Variants in TIMM23B observed in about 807,000 individuals in gnomAD.
TIMM23B encodes the protein mitochondrial import inner membrane translocase subunit Tim23B.
TIMM23B carries 27 observed loss-of-function variants against 27.3 expected under a neutral mutation model. That is an observed-to-expected ratio of 0.99 (90% CI 0.73 to 1.36). TIMM23B has a LOEUF of 1.36. Ranked by LOEUF, TIMM23B falls within the 40% of genes most tolerant of loss-of-function variation. TIMM23B has a pLI of 0.00. For synonymous variants in TIMM23B, 73 were observed against 92.4 expected (o/e 0.79, Z 1.21); for missense variants, 205 against 244.2 (o/e 0.84, Z 1.07).
In TIMM23B at chr10:49,973,059, T is replaced by C. The variant is rs782506317; in HGVS notation, c.562T>C (p.Ser188Pro). Reference sequence around the variant, plus strand: ...CCCGTTCTGTGTGCTGCTGTCTGGCTCCTGAACCCAGCTGTAGAGGTGTGT... The same window carrying C: ...CCCGTTCTGTGTGCTGCTGTCTGGCCCCTGAACCCAGCTGTAGAGGTGTGT... ...DSPFCVLLSG[S>P] The change falls in exon 7 of 7, where the codon TCC (serine) becomes CCC (proline). Residue 188 changes from serine (S) to proline (P), a missense_variant. Ser to Pro is a moderately conservative substitution (Grantham distance 74). Transcript: ENST00000651259. 1.4e-4 allele frequency: 208 copies of C among 1,533,226 alleles called. 1 individual carries two copies. The highest frequency in any genetic ancestry group is 1.2e-4 in the Non-Finnish European group (142 of 1,146,520). 95.0% of individuals were successfully genotyped at this position (1,533,226 alleles called of 1,614,324 possible).
At chr10:49,944,904 A>G in intron 1 of TIMM23B, 128 bp from the exon 2 acceptor site, 5 of 1,171,850 alleles carry the variant, frequency 4.3e-6, no homozygotes, top group Non-Finnish European at 6.3e-6. Flanking sequence ...ATAAAATGGG[A>G]AAAAATTTTC....
intron 1 of TIMM23B, among the ~76,000 whole-genome samples, chr10:49,944,427 G>A (rs1469980395): frequency 1.3e-5 from 2 of 152,040 alleles, no homozygotes; most frequent in Admixed American, 1.3e-4. Context: ...ATCCAAAGAT[G>A]ATAGGTTTTA....
At position 49,953,501 on chromosome 10, in the gene TIMM23B, A is replaced by G. The variant is rs1230969508; in HGVS notation, c.344+968A>G. Among the ~76,000 whole-genome samples, 53 of 152,204 alleles carry G rather than the reference A, an allele frequency of 3.5e-4. 1 individual carries two copies. The highest frequency in any genetic ancestry group is 9.9e-4 in the African/African-American group (41 of 41,528). ...GCTGGGACTACAGGCACATGCCACC[A>G]TGCCCAGTTAATTTTTTAATTTTTT... On this transcript the variant is annotated intron_variant, in intron 4 of 6. Transcript: ENST00000651259.
chr10:49,957,206 A>G (rs1839754304), intron 5 of TIMM23B, among the ~76,000 whole-genome samples: 1 of 151,652 alleles, frequency 6.6e-6, no homozygotes, highest in Non-Finnish European at 1.5e-5. Flanking sequence ...GGATTGGCTC[A>G]CAGAACTCGA....
intron 4 of TIMM23B, among the ~76,000 whole-genome samples, chr10:49,953,546 G>A (rs1839611697): frequency 6.6e-6 from 1 of 152,046 alleles, no homozygotes; most frequent in African/African-American, 2.4e-5. Flanking sequence ...GGGTCTCACT[G>A]TATTGCTCAG....
chr10:49,966,696 G>C (rs186735035), intron 6 of TIMM23B, among the ~76,000 whole-genome samples: 40 of 152,144 alleles, frequency 2.6e-4, no homozygotes, highest in Admixed American at 2.4e-3. Context: ...ATGATAGCGG[G>C]TGCCTGTAAT....
In TIMM23B at chr10:49,974,612, G is replaced by A. The variant is rs1271827313; in HGVS notation, c.*1548G>A. The A allele has an allele frequency of 6.6e-6, 1 of 150,534 alleles. No homozygotes were observed. Among genetic ancestry groups the A allele is most frequent in the Non-Finnish European group, 1.5e-5 (1 of 67,886 alleles). 9.3% of individuals were successfully genotyped at this position (150,534 alleles called of 1,614,324 possible). The stretch of plus-strand genomic sequence containing the variant: ...CTATATGTATGTGTGTACACATACA[G>A]CTGATATCTGCTGAGATTATGTATG... On this transcript the variant is annotated 3_prime_UTR_variant, in exon 7 of 7. Coordinates refer to ENST00000651259, the MANE Select transcript of TIMM23B (RefSeq NM_001290117.2).
chr10:49,948,891 T>TC (rs1839434782), intron 2 of TIMM23B, among the ~76,000 whole-genome samples: 1 of 152,122 alleles, frequency 6.6e-6, no homozygotes, highest in East Asian at 1.9e-4. Context: ...TTTCTCTCTC[T>TC]CTTTTTTTTC....
In TIMM23B at chr10:49,962,563, C is replaced by T. The variant is rs1839956361; in HGVS notation, c.514+4083C>T. Among the ~76,000 whole-genome samples, 3 of 152,236 alleles carry T rather than the reference C, an allele frequency of 2.0e-5. No homozygotes were observed. In the South Asian group the frequency reaches 6.2e-4, roughly 32 times the overall value. Reference sequence around the variant, plus strand: ...ATTTGCTCCCTTGCCACTTTGATGACTCCAGATTCTACTCCTATTCCCATT... The same window carrying T: ...ATTTGCTCCCTTGCCACTTTGATGATTCCAGATTCTACTCCTATTCCCATT... On this transcript the variant is annotated intron_variant, in intron 6 of 6. Coordinates refer to ENST00000651259, the MANE Select transcript of TIMM23B (RefSeq NM_001290117.2).
At chr10:49,950,699 G>A (rs1470587976) in intron 2 of TIMM23B, among the ~76,000 whole-genome samples, 9 of 151,666 alleles carry the variant, frequency 5.9e-5, no homozygotes, top group Non-Finnish European at 1.2e-4. Context: ...ACACTGCCAC[G>A]CCCAGCTAAT....
chr10:49,942,070 G>A lies in TIMM23B; in HGVS notation c.-125G>A. The A allele has an allele frequency of 3.9e-6, 5 of 1,292,052 alleles. No individual in the cohort carries two copies. Among genetic ancestry groups the A allele is most frequent in the South Asian group, 3.0e-5 (2 of 66,054 alleles). 80.0% of individuals were successfully genotyped at this position (1,292,052 alleles called of 1,614,324 possible). The stretch of plus-strand genomic sequence containing the variant: ...TGGCGCTTAACGGGAACCGGCGCCC[G>A]GAATGTCAGCGTGTGAAGTAGGCGC... On this transcript the variant is annotated 5_prime_UTR_variant, in exon 1 of 7. Transcript: ENST00000651259.
chr10:49,959,181 A>T (rs1260699870), intron 6 of TIMM23B, among the ~76,000 whole-genome samples: 1 of 152,110 alleles, frequency 6.6e-6, no homozygotes, highest in African/African-American at 2.4e-5. Flanking sequence ...AGAATATAAG[A>T]TTCTTTTCTG....
At chr10:49,951,299 A>G (rs1839519899) in intron 2 of TIMM23B, among the ~76,000 whole-genome samples, 1 of 152,134 alleles carries the variant, frequency 6.6e-6, no homozygotes, top group East Asian at 1.9e-4. Flanking sequence ...GTTAAATGTA[A>G]CACACTATGT....
At chr10:49,946,894 A>T (rs1380388040) in intron 2 of TIMM23B, among the ~76,000 whole-genome samples, 4 of 151,602 alleles carry the variant, frequency 2.6e-5, no homozygotes, top group African/African-American at 9.7e-5. Context: ...TGAACTTGCC[A>T]ATTTCAAAAC....
intron 6 of TIMM23B, 163 bp from the exon 7 acceptor site, chr10:49,972,849 C>G: frequency 1.6e-6 from 1 of 612,090 alleles, no homozygotes. Flanking sequence ...GGTTCTTTTT[C>G]TATTCACTCA....
At chr10:49,954,763 A>C (rs1839659852) in intron 4 of TIMM23B, among the ~76,000 whole-genome samples, 1 of 146,994 alleles carries the variant, frequency 6.8e-6, no homozygotes. Context: ...TATTATTATT[A>C]AGGACTTATA....
At chr10:49,959,562 T>TA (rs1195511345) in intron 6 of TIMM23B, among the ~76,000 whole-genome samples, 5 of 152,232 alleles carry the variant, frequency 3.3e-5, no homozygotes, top group Non-Finnish European at 7.3e-5. Context: ...ATAATCCACA[T>TA]ACGTGATTTT....
chr10:49,943,910 C>T (rs1257643041), intron 1 of TIMM23B, among the ~76,000 whole-genome samples: 1 of 152,014 alleles, frequency 6.6e-6, no homozygotes. Flanking sequence ...CATTTTAGAG[C>T]GGATTAGGGA....
In TIMM23B at chr10:49,972,746, T is replaced by G. The variant is rs201843346; in HGVS notation, c.515-266T>G. ...GCATGTGTTACATAGAATCAGTGCA[T>G]GAAAGTGTTTTAGTAGCCCAGATTA... On this transcript the variant is annotated intron_variant, in intron 6 of 6. Coordinates refer to ENST00000651259, the MANE Select transcript of TIMM23B (RefSeq NM_001290117.2). 304 of 512,508 alleles carry G rather than the reference T, an allele frequency of 5.9e-4. 1 individual carries two copies. The highest frequency in any genetic ancestry group is 5.3e-4 in the Middle Eastern group (1 of 1,888). The allele number at this position is 512,508 out of a possible 1,614,324, so 31.7% of individuals were successfully genotyped here. A position where few individuals can be genotyped will look rare whatever the true frequency, so the allele number is the denominator to read the frequency against.
Sources: allele counts gnomAD v4.1 joint callset (sites outside exome capture counted in the v4.1 genomes callset), GRCh38; gene constraint gnomAD v4.1.1; transcripts MANE v1.5; gene names NCBI Gene and HGNC (gene_info 2026-07-23, HGNC 2026-07-21).